Variants in PITPNC1 observed in about 807,000 individuals in gnomAD.
PITPNC1 encodes phosphatidylinositol transfer protein cytoplasmic 1.
PITPNC1 carries 18 observed loss-of-function variants against 44.7 expected under a neutral mutation model. The ratio of observed to expected loss-of-function variants is 0.40; its 90% CI spans 0.28 to 0.60. The LOEUF (loss-of-function observed/expected upper bound fraction) is 0.60, where lower values mean the gene tolerates loss of function less well. Ranked by LOEUF, PITPNC1 falls within the 20% of genes least tolerant of loss-of-function variation. PITPNC1 has a pLI of 0.39. For missense variants in PITPNC1, 290 were observed against 418.4 expected, an observed-to-expected ratio of 0.69 and a Z score of 2.68; for synonymous variants, 141 against 149.6, an observed-to-expected ratio of 0.94 and a Z score of 0.42.
intron 6 of PITPNC1, among the ~76,000 whole-genome samples, chr17:67,661,007 C>T (rs947348751): frequency 1.3e-5 from 2 of 150,652 alleles, no homozygotes; most frequent in Non-Finnish European, 1.5e-5. Flanking sequence ...TACAGGCGCC[C>T]GCCACCACGC....
chr17:67,379,097 C>A, intron 1 of PITPNC1: 2 of 985,964 alleles, frequency 2.0e-6, no homozygotes, highest in Non-Finnish European at 2.4e-6. Context: ...TCCTCCCCAC[C>A]TTTGTGGTGA....
At chr17:67,440,043 G>C (rs768524060) in intron 1 of PITPNC1, among the ~76,000 whole-genome samples, 2 of 152,146 alleles carry the variant, frequency 1.3e-5, no homozygotes, top group Non-Finnish European at 2.9e-5. Flanking sequence ...CTGTCTGTTG[G>C]CTTAATTCAG....
chr17:67,414,362 A>G (rs1325927284), intron 1 of PITPNC1, among the ~76,000 whole-genome samples: 16 of 152,236 alleles, frequency 1.1e-4, no homozygotes, highest in Admixed American at 1.0e-3. Flanking sequence ...ACTATTCAGC[A>G]GTGAAAAGGA....
chr17:67,451,368 T>A (rs1176390600), intron 1 of PITPNC1, among the ~76,000 whole-genome samples: 1 of 152,084 alleles, frequency 6.6e-6, no homozygotes, highest in Non-Finnish European at 1.5e-5. Context: ...CTCACCTATC[T>A]TAAGTGTAAA....
intron 4 of PITPNC1, among the ~76,000 whole-genome samples, chr17:67,560,717 C>A (rs142623248): frequency 6.6e-6 from 1 of 152,322 alleles, no homozygotes; most frequent in African/African-American, 2.4e-5. Context: ...TATCCCGTTT[C>A]CACTTGCTCT....
chr17:67,575,850 CTTTCTTTCCTTCCTT>C (rs2041138500), intron 4 of PITPNC1, among the ~76,000 whole-genome samples: 2,081 of 89,488 alleles, frequency 0.023, 61 homozygotes, highest in Non-Finnish European at 0.03. Context: ...TTCTTTCTTT[CTTTCTTTCCTTCCTT>C]CTTTCTTTCT....
At chr17:67,593,633 A>G (rs774853682) in intron 5 of PITPNC1, among the ~76,000 whole-genome samples, 2 of 152,210 alleles carry the variant, frequency 1.3e-5, no homozygotes, top group Non-Finnish European at 2.9e-5. Flanking sequence ...TCCTGGGCTC[A>G]AGCAATCTGC....
In PITPNC1 at chr17:67,427,629, C is replaced by G. The variant is rs150226112; in HGVS notation, c.48+49427C>G. 2.3e-3 allele frequency among the ~76,000 whole-genome samples: 357 copies of G among 152,282 alleles called. 4 individuals are homozygous for G. Among genetic ancestry groups the G allele is most frequent in the African/African-American group, 8.3e-3 (346 of 41,562 alleles). On this transcript the variant is annotated intron_variant, in intron 1 of 8. Coordinates refer to ENST00000581322, the MANE Select transcript of PITPNC1 (RefSeq NM_012417.4). ...ATTACACATGAACATTGGCTGCACC[C>G]GAGCTTGGCTGTGAACTGATTATTC...
intron 6 of PITPNC1, among the ~76,000 whole-genome samples, chr17:67,652,441 T>C (rs1413548189): frequency 1.3e-5 from 2 of 152,158 alleles, no homozygotes; most frequent in African/African-American, 4.8e-5. Flanking sequence ...CTTCTAAAGA[T>C]GTGCCGAAGT....
chr17:67,412,411 C>G (rs1196319128), intron 1 of PITPNC1, among the ~76,000 whole-genome samples: 1 of 152,128 alleles, frequency 6.6e-6, no homozygotes, highest in Non-Finnish European at 1.5e-5. Context: ...CGACTGGAGA[C>G]TAGGTTAAAA....
intron 1 of PITPNC1, among the ~76,000 whole-genome samples, chr17:67,531,169 G>T (rs1010451609): frequency 6.6e-6 from 1 of 152,156 alleles, no homozygotes; most frequent in African/African-American, 2.4e-5. Flanking sequence ...CTTGAGCCTG[G>T]GAGGCGGAGG....
At chr17:67,383,616 T>A (rs542545846) in intron 1 of PITPNC1, among the ~76,000 whole-genome samples, 2 of 152,300 alleles carry the variant, frequency 1.3e-5, no homozygotes, top group South Asian at 2.1e-4. Context: ...AGTCTGAAGA[T>A]CACCCTGCAC....
chr17:67,522,317 A>T (rs2144109425), intron 1 of PITPNC1, among the ~76,000 whole-genome samples: 2 of 152,100 alleles, frequency 1.3e-5, no homozygotes, highest in Middle Eastern at 3.4e-3. Context: ...CCACCAAAAA[A>T]AAAAGACATC....
At chr17:67,382,414 A>T (rs2037975849) in intron 1 of PITPNC1, among the ~76,000 whole-genome samples, 1 of 151,980 alleles carries the variant, frequency 6.6e-6, no homozygotes, top group African/African-American at 2.4e-5. Context: ...TAAAAGTAAC[A>T]TTCCATAGAT....
intron 1 of PITPNC1, among the ~76,000 whole-genome samples, chr17:67,434,663 A>T (rs2038906185): frequency 6.7e-6 from 1 of 149,018 alleles, no homozygotes; most frequent in African/African-American, 2.5e-5. Flanking sequence ...ATACAAAAAA[A>T]TTTGCCAGGT....
At chr17:67,453,349 G>C (rs899989619) in intron 1 of PITPNC1, among the ~76,000 whole-genome samples, 1 of 152,134 alleles carries the variant, frequency 6.6e-6, no homozygotes, top group African/African-American at 2.4e-5. Flanking sequence ...CCCTTGGTGA[G>C]AGGTAATGGA....
intron 6 of PITPNC1, among the ~76,000 whole-genome samples, chr17:67,642,121 T>C (rs78509137): frequency 0.02 from 2,972 of 152,196 alleles, 31 homozygotes; most frequent in Middle Eastern, 0.034. Flanking sequence ...ATGGACAGTG[T>C]AGTGAATGGC....
intron 3 of PITPNC1, 72 bp from the exon 4 acceptor site, chr17:67,553,538 A>G (rs2040795145): frequency 5.9e-6 from 4 of 678,386 alleles, no homozygotes; most frequent in Non-Finnish European, 9.8e-6. Flanking sequence ...TATATTGCAT[A>G]TAAGCATGAT....
At chr17:67,416,203 C>CTTTTTTTTTTTTTTTTTTTT (rs71687631) in intron 1 of PITPNC1, among the ~76,000 whole-genome samples, 1 of 67,614 alleles carries the variant, frequency 1.5e-5, no homozygotes, top group African/African-American at 6.4e-5. Context: ...ACATGTATTG[C>CTTTTTTTTTTTTTTTTTTTT]TTTTTTTTTT....
Sources: allele counts gnomAD v4.1 joint callset (sites outside exome capture counted in the v4.1 genomes callset), GRCh38; gene constraint gnomAD v4.1.1; transcripts MANE v1.5; gene names NCBI Gene and HGNC (gene_info 2026-07-23, HGNC 2026-07-21).